Variants in PTPN14 observed in about 807,000 individuals in gnomAD.
The protein encoded by PTPN14 is protein tyrosine phosphatase non-receptor type 14.
PTPN14 carries 53 observed loss-of-function variants against 126.8 expected under a neutral mutation model. The observed-to-expected ratio is 0.42, with a 90% CI of 0.34 to 0.53. The LOEUF (loss-of-function observed/expected upper bound fraction) is 0.53, where lower values mean the gene tolerates loss of function less well. Among genes scored for constraint, PTPN14 ranks in the 20% least tolerant of loss-of-function variants. PTPN14 has a pLI of 0.08. For missense variants in PTPN14, 1,257 were observed against 1,552.9 expected (o/e 0.81, Z 3.20); for synonymous variants, 630 against 599.3 (o/e 1.05, Z -0.75).
At position 214,499,707 on chromosome 1, in the gene PTPN14, T is replaced by G. The variant is rs374193998; in HGVS notation, c.-154-34750A>C. On this transcript the variant is annotated intron_variant, in intron 1 of 18. Transcript: ENST00000366956. Reference sequence around the variant, plus strand: ...TTGCCAGAGTTCACGTAACTGCAGTTTTTTAAATGGTTAGGCTATCAAATG... The same window carrying G: ...TTGCCAGAGTTCACGTAACTGCAGTGTTTTAAATGGTTAGGCTATCAAATG... Among the ~76,000 whole-genome samples the G allele has an allele frequency of 2.0e-5, 3 of 152,292 alleles. No homozygotes were observed. In the East Asian group the frequency reaches 5.8e-4, roughly 30 times the overall value.
At chr1:214,429,255 A>G (rs1476520094) in intron 3 of PTPN14, among the ~76,000 whole-genome samples, 3 of 152,222 alleles carry the variant, frequency 2.0e-5, no homozygotes, top group Non-Finnish European at 2.9e-5. Flanking sequence ...TTTATAGTTT[A>G]CCACCCAGAA....
intron 5 of PTPN14, among the ~76,000 whole-genome samples, chr1:214,403,364 A>G (rs1180071979): frequency 6.6e-6 from 1 of 152,284 alleles, no homozygotes; most frequent in African/African-American, 2.4e-5. Context: ...CTAGGAAGGG[A>G]CTGTGCCAGG....
Position 214,383,470 on chromosome 1 carries a change from G to A in PTPN14, c.2385C>T (p.Asp795=). ...GAGAGGCCCCGTTGACAGCCGGCGG[G>A]TCAGTCCGAGACATGCTGATGGCCT... ...PAKAISMSRT[D]PPAVNGASLG... The change falls in exon 13 of 19, where the codon GAC becomes GAT. Residue 795 remains aspartate (D), a synonymous_variant. Coordinates refer to ENST00000366956, the MANE Select transcript of PTPN14 (RefSeq NM_005401.5). The surrounding 1 kb of genome is among the most constrained non-coding windows in gnomAD (Gnocchi z 4.4). 4 of 1,614,260 alleles carry A rather than the reference G, an allele frequency of 2.5e-6. No individual in the cohort carries two copies. The highest frequency in any genetic ancestry group is 3.4e-6 in the Non-Finnish European group (4 of 1,180,056).
chr1:214,540,004 T>C (rs1296016258), intron 1 of PTPN14, among the ~76,000 whole-genome samples: 2 of 152,326 alleles, frequency 1.3e-5, no homozygotes, highest in East Asian at 3.9e-4. Flanking sequence ...CATTTCATTA[T>C]TTTGGAGTTT....
chr1:214,411,097 G>T (rs1290269822), intron 5 of PTPN14, among the ~76,000 whole-genome samples: 3 of 152,052 alleles, frequency 2.0e-5, no homozygotes. Context: ...CTTTCCATTT[G>T]TGTCATCTTA....
intron 2 of PTPN14, among the ~76,000 whole-genome samples, chr1:214,452,654 T>C (rs1304864818): frequency 3.3e-5 from 5 of 152,176 alleles, no homozygotes; most frequent in African/African-American, 1.2e-4. Context: ...ATTTGTTAGA[T>C]GAAAGTGAGA....
chr1:214,533,715 T>C lies in PTPN14; in HGVS notation c.-155+17468A>G, dbSNP rs11803280. On this transcript the variant is annotated intron_variant, in intron 1 of 18. Coordinates refer to ENST00000366956, the MANE Select transcript of PTPN14 (RefSeq NM_005401.5). ...AGCCGGGCGTGGTGGCGGGCGCCTG[T>C]AGTCCCAAATAATCTGGAGACTGAG... Among the ~76,000 whole-genome samples the C allele has an allele frequency of 5.1e-3, 778 of 151,932 alleles. 10 individuals are homozygous for C. Among genetic ancestry groups the C allele is most frequent in the African/African-American group, 0.018 (753 of 41,460 alleles).
intron 1 of PTPN14, among the ~76,000 whole-genome samples, chr1:214,492,365 T>C (rs1199233103): frequency 2.6e-5 from 4 of 152,182 alleles, no homozygotes; most frequent in African/African-American, 7.2e-5. Context: ...ATTCAGCATC[T>C]GTAAATTCAA....
chr1:214,502,436 C>T (rs1367294144), intron 1 of PTPN14, among the ~76,000 whole-genome samples: 7 of 152,284 alleles, frequency 4.6e-5, no homozygotes, highest in South Asian at 4.1e-4. Flanking sequence ...CAATACAGCT[C>T]AGAGTGGTAA....
At chr1:214,393,366 C>T (rs753502666) in intron 10 of PTPN14, among the ~76,000 whole-genome samples, 10 of 152,162 alleles carry the variant, frequency 6.6e-5, no homozygotes, top group Non-Finnish European at 1.2e-4. Flanking sequence ...ACGTCTGACA[C>T]GAAGGGGCAC....
intron 3 of PTPN14, among the ~76,000 whole-genome samples, chr1:214,440,390 G>A (rs769274558): frequency 2.6e-5 from 4 of 152,182 alleles, no homozygotes; most frequent in Non-Finnish European, 5.9e-5. Flanking sequence ...CCTATAAGAC[G>A]CTTGGTACTC....
intron 1 of PTPN14, among the ~76,000 whole-genome samples, chr1:214,492,716 T>C (rs892513628): frequency 2.0e-5 from 3 of 152,092 alleles, no homozygotes; most frequent in Non-Finnish European, 4.4e-5. Context: ...GATACCAGCC[T>C]GGCCAACATG....
intron 4 of PTPN14, among the ~76,000 whole-genome samples, chr1:214,414,290 T>C (rs991450240): frequency 6.6e-6 from 1 of 152,206 alleles, no homozygotes; most frequent in Non-Finnish European, 1.5e-5. Flanking sequence ...AGCATCAAGC[T>C]ACAGAATATG....
At chr1:214,488,508 T>C (rs1571616610) in intron 1 of PTPN14, among the ~76,000 whole-genome samples, 1 of 152,200 alleles carries the variant, frequency 6.6e-6, no homozygotes, top group African/African-American at 2.4e-5. Context: ...ATAAAACCCA[T>C]GTAAAAGGAA....
At chr1:214,491,862 A>G (rs1457832314) in intron 1 of PTPN14, among the ~76,000 whole-genome samples, 1 of 152,074 alleles carries the variant, frequency 6.6e-6, no homozygotes, top group Non-Finnish European at 1.5e-5. Context: ...GCTTCCTTCC[A>G]TTCTTTTCTT....
intron 1 of PTPN14, among the ~76,000 whole-genome samples, chr1:214,519,784 T>C (rs1330843967): frequency 6.6e-6 from 1 of 152,054 alleles, no homozygotes; most frequent in Non-Finnish European, 1.5e-5. Flanking sequence ...GTGTCGTGGC[T>C]CACGCTTGTC....
intron 3 of PTPN14, among the ~76,000 whole-genome samples, chr1:214,434,372 C>A (rs1427897740): frequency 1.3e-5 from 2 of 151,900 alleles, no homozygotes; most frequent in Admixed American, 1.3e-4. Context: ...GGCCCCTGGC[C>A]CAGGGCTGGC....
chr1:214,373,992 A>C (rs1470396953), intron 15 of PTPN14, among the ~76,000 whole-genome samples: 1 of 152,156 alleles, frequency 6.6e-6, no homozygotes, highest in Non-Finnish European at 1.5e-5. Flanking sequence ...AGCTATAAAT[A>C]CTAGCTGCTG....
chr1:214,475,474 G>C (rs879410674), intron 1 of PTPN14, among the ~76,000 whole-genome samples: 2 of 152,162 alleles, frequency 1.3e-5, no homozygotes, highest in Non-Finnish European at 2.9e-5. Flanking sequence ...CCTGACTCTG[G>C]TTTACTCTCA....
Sources: gnomAD v4.1 joint callset for allele counts (sites outside exome capture counted in the v4.1 genomes callset) on GRCh38, gnomAD v4.1.1 for gene constraint, Gnocchi (gnomAD v3.1) non-coding constraint, MANE v1.5 for transcripts, NCBI Gene and HGNC (gene_info 2026-07-23, HGNC 2026-07-21) for gene names.